Variants in MCF2L observed in about 807,000 individuals in gnomAD.
MCF2L encodes the protein MCF.2 cell line derived transforming sequence like, also known as guanine nucleotide exchange factor DBS.
In MCF2L, 97 loss-of-function variants were observed where a neutral mutation model predicts 153.4. The observed-to-expected ratio is 0.63, with a 90% CI of 0.54 to 0.75. The LOEUF (loss-of-function observed/expected upper bound fraction) is 0.75, where lower values mean the gene tolerates loss of function less well. Ranked by LOEUF, MCF2L falls within the 30% of genes least tolerant of loss-of-function variation. MCF2L has a pLI of 0.00. For synonymous variants in MCF2L, 659 were observed against 632.2 expected (o/e 1.04, Z -0.64); for missense variants, 1,347 against 1,495.2 (o/e 0.90, Z 1.64).
At chr13:113,020,899 GATGTGTGT>G (rs1395437002) in intron 2 of MCF2L, among the ~76,000 whole-genome samples, 1 of 129,080 alleles carries the variant, frequency 7.7e-6, no homozygotes, top group East Asian at 2.5e-4. Flanking sequence ...TGTATGTGTA[GATGTGTGT>G]ATGTGTGTGT....
At chr13:112,937,177 C>T (rs1225528045) in intron 2 of MCF2L, among the ~76,000 whole-genome samples, 1 of 152,160 alleles carries the variant, frequency 6.6e-6, no homozygotes, top group East Asian at 1.9e-4. Context: ...CCTCAGCCTC[C>T]CGAGTAGCTG....
intron 2 of MCF2L, among the ~76,000 whole-genome samples, chr13:112,915,730 TTCCCA>T (rs2081284801): frequency 6.6e-6 from 1 of 152,162 alleles, no homozygotes; most frequent in South Asian, 2.1e-4. Flanking sequence ...ATTTTTGTGC[TTCCCA>T]TCTCGTCCCG....
chr13:112,955,057 C>T (rs180739964), intron 2 of MCF2L, among the ~76,000 whole-genome samples: 37 of 152,276 alleles, frequency 2.4e-4, no homozygotes, highest in South Asian at 2.1e-4. Flanking sequence ...TGCTGAGTGA[C>T]GGGCAACATG....
chr13:112,923,543 T>C (rs1049028291), intron 2 of MCF2L, among the ~76,000 whole-genome samples: 2 of 152,122 alleles, frequency 1.3e-5, no homozygotes, highest in African/African-American at 2.4e-5. Flanking sequence ...GGATTACAGG[T>C]GTGAGCCACC....
At chr13:112,992,037 A>C (rs917151540) in intron 1 of MCF2L, among the ~76,000 whole-genome samples, 7 of 152,338 alleles carry the variant, frequency 4.6e-5, no homozygotes, top group African/African-American at 1.7e-4. Context: ...GAAACTTTTG[A>C]GCTCTGACAT....
intron 1 of MCF2L, among the ~76,000 whole-genome samples, chr13:112,981,922 G>A (rs1017845066): frequency 1.5e-4 from 23 of 152,234 alleles, no homozygotes; most frequent in Admixed American, 5.9e-4. Context: ...GTGCGTCTCC[G>A]ATTGGAAGGT....
chr13:113,033,414 C>T (rs1365353940), intron 3 of MCF2L, among the ~76,000 whole-genome samples: 42 of 81,808 alleles, frequency 5.1e-4, no homozygotes, highest in Non-Finnish European at 7.1e-4. Context: ...GACCCCGTGG[C>T]GTGAGTGGCC....
chr13:113,055,232 C>A (rs1225410422), intron 4 of MCF2L, among the ~76,000 whole-genome samples: 1 of 152,014 alleles, frequency 6.6e-6, no homozygotes, highest in East Asian at 1.9e-4. Context: ...ACTTAAAATA[C>A]GAAACCCTAA....
intron 2 of MCF2L, among the ~76,000 whole-genome samples, chr13:112,905,201 C>T (rs1316284638): frequency 6.6e-6 from 1 of 152,222 alleles, no homozygotes; most frequent in African/African-American, 2.4e-5. Flanking sequence ...CTGGTCGCTG[C>T]AAGAGCACAC....
intron 18 of MCF2L, chr13:113,084,493 G>A: frequency 3.0e-6 from 1 of 330,640 alleles, no homozygotes; most frequent in South Asian, 4.9e-5. Context: ...TTCACAATGG[G>A]GCTAGGGTCT....
At chr13:113,080,848 T>A (rs560301351) in intron 15 of MCF2L, among the ~76,000 whole-genome samples, 1 of 152,174 alleles carries the variant, frequency 6.6e-6, no homozygotes, top group South Asian at 2.1e-4. Flanking sequence ...TAGGGATGGG[T>A]CCTAGGAGTA....
In MCF2L at chr13:112,920,176, T is replaced by C. The variant is rs975151274; in HGVS notation, c.169+17805T>C. ...GGCAGACAAGCCCGTGTTACCTGGC[T>C]GAACTGCAGAGTGAAGAGCTCACGT... On this transcript the variant is annotated intron_variant, in intron 2 of 29. Transcript: ENST00000375608. Among the ~76,000 whole-genome samples the C allele has an allele frequency of 2.0e-5, 3 of 152,206 alleles. No homozygotes were observed. In the South Asian group the frequency reaches 6.2e-4, roughly 31 times the overall value.
chr13:113,086,344 G>T lies in MCF2L; in HGVS notation c.2373+95G>T, dbSNP rs914986053. 4.6e-6 allele frequency: 7 copies of T among 1,536,352 alleles called. No homozygotes were observed. The Admixed American group carries it at 1.4e-4, about 30-fold the overall frequency. On this transcript the variant is annotated intron_variant, in intron 21 of 29. Transcript: ENST00000535094. The stretch of plus-strand genomic sequence containing the variant: ...CTCCCTGCACACGCCCCTCGCTTTG[G>T]TGTGAATGTGCAGGTTCTGGGCAGG...
chr13:113,081,002 C>T (rs185216834), intron 15 of MCF2L, among the ~76,000 whole-genome samples: 1 of 152,222 alleles, frequency 6.6e-6, no homozygotes, highest in East Asian at 1.9e-4. Flanking sequence ...GTCTGGGAAC[C>T]AGGGAGGCTT....
chr13:113,016,151 G>A (rs1180029945), intron 2 of MCF2L, among the ~76,000 whole-genome samples: 1 of 152,178 alleles, frequency 6.6e-6, no homozygotes, highest in South Asian at 2.1e-4. Context: ...AGCTCTGGGG[G>A]GGATTTTGCA....
chr13:113,022,515 C>T, intron 2 of MCF2L, among the ~76,000 whole-genome samples: 1 of 152,166 alleles, frequency 6.6e-6, no homozygotes, highest in East Asian at 1.9e-4. Context: ...GGCTTCTGGG[C>T]GGTGCTGGAA....
rs111546846 is a variant in MCF2L, at chr13:113,046,928, A to C, written c.369+1567A>C. 1 of 223,596 alleles carries C rather than the reference A, an allele frequency of 4.5e-6. No homozygotes were observed. The highest frequency in any genetic ancestry group is 5.5e-5 in the South Asian group (1 of 18,342). 13.9% of individuals were successfully genotyped at this position (223,596 alleles called of 1,614,324 possible). On this transcript the variant is annotated intron_variant, in intron 4 of 29. Coordinates refer to ENST00000535094, the MANE Select transcript of MCF2L (RefSeq NM_001112732.3). The surrounding 1 kb of genome is among the most constrained non-coding windows in gnomAD (Gnocchi z 4.4). Reference sequence around the variant, plus strand: ...TATAAAGACGTACTTGAGCTGGGTAATTGATAAAGAAAGAGGCGTAATTGG... The same window carrying C: ...TATAAAGACGTACTTGAGCTGGGTACTTGATAAAGAAAGAGGCGTAATTGG...
At chr13:112,895,184 G>A (rs1008711972) in intron 1 of MCF2L, among the ~76,000 whole-genome samples, 2 of 152,128 alleles carry the variant, frequency 1.3e-5, no homozygotes, top group African/African-American at 2.4e-5. Context: ...CCCTTATATA[G>A]GATGCTGCGG....
At chr13:113,096,167 C>A in intron 27 of MCF2L, 2 of 598,676 alleles carry the variant, frequency 3.3e-6, no homozygotes, top group Non-Finnish European at 5.9e-6. Flanking sequence ...AAGACAGATT[C>A]ACAGACGCCT....
Sources: gnomAD v4.1 joint callset for allele counts (sites outside exome capture counted in the v4.1 genomes callset) on GRCh38, gnomAD v4.1.1 for gene constraint, Gnocchi (gnomAD v3.1) non-coding constraint, MANE v1.5 for transcripts, NCBI Gene and HGNC (gene_info 2026-07-23, HGNC 2026-07-21) for gene names.